USP18: variants seen among roughly 807,000 people sequenced by gnomAD.
USP18 encodes the protein ubl carboxyl-terminal hydrolase 18.
Under a neutral mutation model 48.7 loss-of-function variants are expected in USP18, and 11 were observed. The observed-to-expected ratio is 0.23, with a 90% CI of 0.14 to 0.37. The LOEUF is 0.37. Among genes scored for constraint, USP18 ranks in the 10% least tolerant of loss-of-function variants. The pLI is 1.00. For synonymous variants in USP18, 114 were observed against 163.2 expected (o/e 0.70, Z 2.30); for missense variants, 285 against 436.4 (o/e 0.65, Z 3.09).
chr22:18,157,521 T>C lies in USP18; in HGVS notation c.-106-37T>C, dbSNP rs73876571. ...GATTACATGAATACACATTCCTCCTTCTCTAATTCTTGCCTACCCGCATTG... is the reference window on the plus strand; with the variant it reads ...GATTACATGAATACACATTCCTCCTCCTCTAATTCTTGCCTACCCGCATTG... On this transcript the variant is annotated intron_variant, in intron 1 of 10. Transcript: ENST00000215794. 5,360 of 1,046,862 alleles carry C rather than the reference T, an allele frequency of 5.1e-3. 188 individuals are homozygous for C. The African/African-American group carries it at 0.076, about 15-fold the overall frequency. The allele number at this position is 1,046,862 out of a possible 1,614,324, so 64.8% of individuals were successfully genotyped here.
intron 1 of USP18, among the ~76,000 whole-genome samples, chr22:18,156,727 A>G (rs1929155849): frequency 6.6e-6 from 1 of 152,206 alleles, no homozygotes; most frequent in Non-Finnish European, 1.5e-5. Flanking sequence ...CAAACCCACC[A>G]GAAGGAAGAA....
chr22:18,168,614 T>C (rs1929547084), intron 6 of USP18, among the ~76,000 whole-genome samples: 1 of 152,186 alleles, frequency 6.6e-6, no homozygotes, highest in African/African-American at 2.4e-5. Context: ...CAGGCTGGTC[T>C]GAAACTCCTG....
chr22:18,175,977 G>A (rs3962753), intron 10 of USP18, among the ~76,000 whole-genome samples: 28,629 of 128,832 alleles, frequency 0.22, 1,458 homozygotes, highest in Non-Finnish European at 0.26. Context: ...GAGCAAGAAC[G>A]GTCTCGTCAA....
chr22:18,174,695 C>T (rs1929734957), intron 10 of USP18, among the ~76,000 whole-genome samples: 1 of 150,750 alleles, frequency 6.6e-6, no homozygotes. Flanking sequence ...CACAGGTGAT[C>T]CTCCCACCTC....
At position 18,163,370 on chromosome 22, in the gene USP18, G is replaced by A. The variant is rs566365392; in HGVS notation, c.400+1435G>A. On this transcript the variant is annotated intron_variant, in intron 4 of 10. Transcript: ENST00000215794. ...GAAAAATACCTCTCCCAGGCTGGGC[G>A]CGGTGGCTCACGCCTGTAATCCCAG... is the stretch of plus-strand genomic sequence containing the variant. 4.6e-5 allele frequency among the ~76,000 whole-genome samples: 7 copies of A among 152,062 alleles called. No individual in the cohort carries two copies. The South Asian group carries it at 1.2e-3, about 27-fold the overall frequency.
chr22:18,158,945 T>C (rs1225997173), intron 2 of USP18, among the ~76,000 whole-genome samples: 1 of 151,942 alleles, frequency 6.6e-6, no homozygotes, highest in African/African-American at 2.4e-5. Context: ...TGTTTTTTTT[T>C]CTCTCCCAAC....
chr22:18,173,095 G>C (rs1207630491), intron 8 of USP18, 55 bp from the exon 9 acceptor site: 56 of 1,604,610 alleles, frequency 3.5e-5, no homozygotes, highest in Non-Finnish European at 4.6e-5. Flanking sequence ...ATAAATGTGT[G>C]AGGCAGTCGT....
Position 18,173,857 on chromosome 22 carries a change from TG to T in USP18, c.1073+18del. ...AACTACCACTGGTAAGAAACAGATT[TG>T]GGTAATTGGAGTCTGATGAGCTCAC... is the stretch of plus-strand genomic sequence containing the variant. On this transcript the variant is annotated intron_variant, in intron 10 of 10. Coordinates refer to ENST00000215794, the MANE Select transcript of USP18 (RefSeq NM_017414.4). 1 of 1,592,556 alleles carries T rather than the reference TG, an allele frequency of 6.3e-7. No individual in the cohort carries two copies. The highest frequency in any genetic ancestry group is 8.6e-7 in the Non-Finnish European group (1 of 1,163,786).
intron 1 of USP18, among the ~76,000 whole-genome samples, chr22:18,156,564 G>A (rs781270336): frequency 1.3e-5 from 2 of 151,966 alleles, no homozygotes; most frequent in Non-Finnish European, 2.9e-5. Context: ...CTTAAGAGCT[G>A]TAACACTCAC....
chr22:18,169,364 C>T (rs905923943), intron 6 of USP18, among the ~76,000 whole-genome samples: 8 of 152,164 alleles, frequency 5.3e-5, no homozygotes, highest in Admixed American at 3.9e-4. Flanking sequence ...CACCTGAGGT[C>T]AGGAGTTTGA....
At chr22:18,164,428 T>A (rs942129580) in intron 4 of USP18, among the ~76,000 whole-genome samples, 4 of 151,920 alleles carry the variant, frequency 2.6e-5, no homozygotes, top group Non-Finnish European at 5.9e-5. Context: ...GAGCTAGACC[T>A]TCATTTGAGA....
intron 9 of USP18, among the ~76,000 whole-genome samples, 154 bp from the exon 10 acceptor site, chr22:18,173,639 C>A (rs1368950137): frequency 6.6e-6 from 1 of 152,184 alleles, no homozygotes; most frequent in African/African-American, 2.4e-5. Flanking sequence ...AAACATACTT[C>A]ATTGCACAAG....
intron 10 of USP18, among the ~76,000 whole-genome samples, chr22:18,174,234 T>TTTTC (rs1929718631): frequency 7.0e-6 from 1 of 142,402 alleles, no homozygotes; most frequent in Non-Finnish European, 1.5e-5. Context: ...TTTTCTTTTC[T>TTTTC]TTTTTTTTTT....
chr22:18,174,974 C>T (rs959059278), intron 10 of USP18, among the ~76,000 whole-genome samples: 2 of 152,116 alleles, frequency 1.3e-5, no homozygotes, highest in East Asian at 1.9e-4. Context: ...AGTGCAGTAG[C>T]AGGATCTCAG....
intron 4 of USP18, among the ~76,000 whole-genome samples, chr22:18,163,284 A>C (rs1405381349): frequency 5.3e-5 from 8 of 151,894 alleles, no homozygotes; most frequent in Non-Finnish European, 1.0e-4. Context: ...TTTTGCTTGG[A>C]ACATATTTCT....
chr22:18,170,678 G>A (rs1452311808), intron 7 of USP18, 75 bp from the exon 8 acceptor site: 19 of 1,559,344 alleles, frequency 1.2e-5, no homozygotes, highest in African/African-American at 4.8e-5. Flanking sequence ...GGAAGAACGC[G>A]TTGCTAGCCC....
intron 6 of USP18, among the ~76,000 whole-genome samples, chr22:18,168,380 C>T (rs1929537511): frequency 6.7e-6 from 1 of 148,680 alleles, no homozygotes; most frequent in African/African-American, 2.5e-5. Flanking sequence ...GCTGTGCCCT[C>T]ATGATGCAAT....
chr22:18,174,001 G>T (rs1388672879), intron 10 of USP18, among the ~76,000 whole-genome samples, 159 bp downstream of exon 10: 1 of 151,862 alleles, frequency 6.6e-6, no homozygotes, highest in Non-Finnish European at 1.5e-5. Flanking sequence ...TGCCTCACAC[G>T]TCACACTCCA....
chr22:18,172,110 A>C (rs1929643426), intron 8 of USP18, among the ~76,000 whole-genome samples: 1 of 152,184 alleles, frequency 6.6e-6, no homozygotes, highest in Non-Finnish European at 1.5e-5. Flanking sequence ...CAACAACAAC[A>C]AAAAAGACTT....
Sources: gnomAD v4.1 joint callset for allele counts (sites outside exome capture counted in the v4.1 genomes callset) on GRCh38, gnomAD v4.1.1 for gene constraint, MANE v1.5 for transcripts, NCBI Gene and HGNC (gene_info 2026-07-23, HGNC 2026-07-21) for gene names.